Variants in KIF26B observed in about 807,000 individuals in gnomAD.
KIF26B encodes kinesin-like protein KIF26B.
KIF26B carries 63 observed loss-of-function variants against 151.2 expected under a neutral mutation model. That is an observed-to-expected ratio of 0.42 (90% CI 0.34 to 0.51). The LOEUF is 0.51. KIF26B is among the 20% of genes least tolerant of loss of function. KIF26B has a pLI of 0.07. For missense variants in KIF26B, 2,813 were observed against 2,913.6 expected, an observed-to-expected ratio of 0.97 and a Z score of 0.79; for synonymous variants, 1,357 against 1,262.1, an observed-to-expected ratio of 1.08 and a Z score of -1.59.
At chr1:245,434,039 G>A (rs954365601) in intron 4 of KIF26B, among the ~76,000 whole-genome samples, 2 of 152,018 alleles carry the variant, frequency 1.3e-5, no homozygotes, top group African/African-American at 4.8e-5. Flanking sequence ...TTTCTTTCCA[G>A]TCTTTTTGGT....
intron 12 of KIF26B, among the ~76,000 whole-genome samples, chr1:245,694,067 G>A (rs953830994): frequency 5.3e-5 from 8 of 152,220 alleles, no homozygotes; most frequent in African/African-American, 1.9e-4. Flanking sequence ...TGTGGTCCTA[G>A]GTGCGGGGTT....
At chr1:245,346,058 G>A (rs1246578750) in intron 2 of KIF26B, among the ~76,000 whole-genome samples, 1 of 150,774 alleles carries the variant, frequency 6.6e-6, no homozygotes, top group East Asian at 2.0e-4. Flanking sequence ...TCAGCCTCCC[G>A]AGTAGCCGGG....
chr1:245,519,826 T>C (rs957616554), intron 4 of KIF26B, among the ~76,000 whole-genome samples: 1 of 152,148 alleles, frequency 6.6e-6, no homozygotes, highest in Non-Finnish European at 1.5e-5. Context: ...AAAATAAGAT[T>C]ATCTTATGGG....
At chr1:245,353,126 G>A (rs548686467) in intron 2 of KIF26B, among the ~76,000 whole-genome samples, 2 of 152,266 alleles carry the variant, frequency 1.3e-5, no homozygotes, top group South Asian at 4.1e-4. Flanking sequence ...TAAAATGTGA[G>A]GACAAATCAG....
At chr1:245,280,298 G>T (rs894903204) in intron 2 of KIF26B, among the ~76,000 whole-genome samples, 5 of 151,234 alleles carry the variant, frequency 3.3e-5, no homozygotes, top group Non-Finnish European at 7.4e-5. Context: ...TGGATCATGA[G>T]GTCAGGAGAT....
intron 2 of KIF26B, among the ~76,000 whole-genome samples, chr1:245,168,080 C>T (rs914659529): frequency 6.6e-6 from 1 of 152,176 alleles, no homozygotes; most frequent in Non-Finnish European, 1.5e-5. Context: ...CTTTTGTAAT[C>T]TAAGAGCATG....
At chr1:245,641,516 T>G (rs1449589649) in intron 9 of KIF26B, among the ~76,000 whole-genome samples, 1 of 150,472 alleles carries the variant, frequency 6.6e-6, no homozygotes, top group Non-Finnish European at 1.5e-5. Context: ...CTTTGTTCAT[T>G]CCTTCTTATT....
At chr1:245,567,801 C>T (rs1049929420) in intron 5 of KIF26B, among the ~76,000 whole-genome samples, 3 of 152,138 alleles carry the variant, frequency 2.0e-5, no homozygotes, top group Admixed American at 6.5e-5. Context: ...AGAATAGGGT[C>T]GTGGTGGAGC....
Position 245,224,011 on chromosome 1 carries a change from G to A in KIF26B, c.465+67328G>A, listed in dbSNP as rs184599612. Among the ~76,000 whole-genome samples, 874 of 152,326 alleles carry A rather than the reference G, an allele frequency of 5.7e-3. 7 individuals carry two copies. The highest frequency in any genetic ancestry group is 5.2e-3 in the Non-Finnish European group (353 of 68,040). ...TTAATATTCTGTATGATGGCCGGGT[G>A]CAGTGGCTCACGTCTGTAATCCCAG... On this transcript the variant is annotated intron_variant, in intron 2 of 14. Coordinates refer to ENST00000407071, the MANE Select transcript of KIF26B (RefSeq NM_018012.4).
chr1:245,201,516 G>C (rs1022333603), intron 2 of KIF26B, among the ~76,000 whole-genome samples: 68 of 152,160 alleles, frequency 4.5e-4, no homozygotes, highest in Non-Finnish European at 7.1e-4. Context: ...AATTCAGAAA[G>C]GTTGTTAGCC....
At chr1:245,579,092 A>C (rs1375757923) in intron 5 of KIF26B, among the ~76,000 whole-genome samples, 1 of 152,210 alleles carries the variant, frequency 6.6e-6, no homozygotes, top group Non-Finnish European at 1.5e-5. Flanking sequence ...TTTTGAATGA[A>C]TGAACAGTAG....
At position 245,495,942 on chromosome 1, in the gene KIF26B, C is replaced by T. The variant is rs575391801; in HGVS notation, c.1167-44825C>T. The stretch of plus-strand genomic sequence containing the variant: ...TATTCATGGGTTGAAAGAATGTAAC[C>T]GTCAACCTAAAAGTTTACAAACTTA... On this transcript the variant is annotated intron_variant, in intron 4 of 14. Transcript: ENST00000407071. This position sits in a 1 kb window ranked among gnomAD's most constrained non-coding sequence, Gnocchi z 4.2. Among the ~76,000 whole-genome samples the T allele has an allele frequency of 5.9e-5, 9 of 152,206 alleles. No individual in the cohort carries two copies. Among genetic ancestry groups the T allele is most frequent in the South Asian group, 2.1e-4 (1 of 4,814 alleles).
At chr1:245,509,964 A>T (rs994206316) in intron 4 of KIF26B, among the ~76,000 whole-genome samples, 2 of 152,092 alleles carry the variant, frequency 1.3e-5, no homozygotes, top group African/African-American at 4.8e-5. Context: ...GCTCCATGCC[A>T]CGCCCTCCCT....
chr1:245,258,489 C>A (rs757686554), intron 2 of KIF26B, among the ~76,000 whole-genome samples: 11 of 152,176 alleles, frequency 7.2e-5, no homozygotes, highest in Non-Finnish European at 1.3e-4. Context: ...GGTATTGGAG[C>A]AGGATCAAAG....
intron 3 of KIF26B, among the ~76,000 whole-genome samples, chr1:245,373,183 C>T (rs534398884): frequency 7.2e-5 from 11 of 152,288 alleles, no homozygotes; most frequent in East Asian, 3.9e-4. Flanking sequence ...CAGCAGCTAA[C>T]GTGAAAATGT....
intron 4 of KIF26B, among the ~76,000 whole-genome samples, chr1:245,435,384 G>A (rs994480309): frequency 6.6e-6 from 1 of 152,004 alleles, no homozygotes; most frequent in East Asian, 1.9e-4. Context: ...TTGCTCTCCC[G>A]GTGTCTTCAG....
chr1:245,159,525 T>A (rs535890120), intron 2 of KIF26B, among the ~76,000 whole-genome samples: 3 of 152,360 alleles, frequency 2.0e-5, no homozygotes, highest in East Asian at 3.8e-4. Context: ...TTTCATTCTT[T>A]AGAGAAAGAT....
chr1:245,670,234 G>A (rs750008345), intron 10 of KIF26B, among the ~76,000 whole-genome samples: 8 of 127,704 alleles, frequency 6.3e-5, no homozygotes, highest in South Asian at 2.8e-4. Flanking sequence ...CATCGTATGC[G>A]TGTGTATATC....
intron 12 of KIF26B, among the ~76,000 whole-genome samples, chr1:245,692,102 G>T (rs1039440630): frequency 7.2e-5 from 11 of 152,180 alleles, no homozygotes; most frequent in Non-Finnish European, 1.3e-4. Context: ...ATAATGTTAT[G>T]GTCATGTGAT....
Sources: gnomAD v4.1 joint callset for allele counts (sites outside exome capture counted in the v4.1 genomes callset) on GRCh38, gnomAD v4.1.1 for gene constraint, Gnocchi (gnomAD v3.1) non-coding constraint, MANE v1.5 for transcripts, NCBI Gene and HGNC (gene_info 2026-07-23, HGNC 2026-07-21) for gene names.